PLEKHA6: variants seen among roughly 807,000 people sequenced by gnomAD.
PLEKHA6 encodes pleckstrin homology domain containing A6, also known as pleckstrin homology domain-containing family A member 6.
A neutral mutation model predicts 116.7 loss-of-function variants in PLEKHA6; 60 were observed. The ratio of observed to expected loss-of-function variants is 0.51; its 90% confidence interval spans 0.42 to 0.64. The LOEUF (loss-of-function observed/expected upper bound fraction) is 0.64, where lower values mean the gene tolerates loss of function less well. Ranked by LOEUF, PLEKHA6 falls within the 30% of genes least tolerant of loss-of-function variation. PLEKHA6 has a pLI of 0.00. For synonymous variants in PLEKHA6, 489 were observed against 556.1 expected, an observed-to-expected ratio of 0.88 and a Z score of 1.70; for missense variants, 1,338 against 1,422.7, an observed-to-expected ratio of 0.94 and a Z score of 0.96.
At chr1:204,372,933 G>A (rs190857965) in intron 1 of PLEKHA6, among the ~76,000 whole-genome samples, 34 of 148,636 alleles carry the variant, frequency 2.3e-4, no homozygotes, top group Admixed American at 1.3e-3. Flanking sequence ...TTTTTTTGAC[G>A]GTCTCACTCT....
At position 204,230,583 on chromosome 1, in the gene PLEKHA6, G is replaced by A. The variant is rs370120770; in HGVS notation, c.2413C>T (p.Arg805Cys). The change falls in exon 18 of 23, where the codon CGC becomes TGC. Residue 805 changes from arginine to cysteine, a missense_variant. By Grantham distance (180) the Arg-to-Cys change is radical. Transcript: ENST00000272203. ...GLTNGLSSQE[R>C]PKSAVFPGEG... The stretch of plus-strand genomic sequence containing the variant: ...CCAGGAAACACAGCACTCTTGGGGC[G>A]TTCCTGCTGCCATGGGAAAACAGGG... The A allele has an allele frequency of 4.5e-5, 72 of 1,597,878 alleles. No individual in the cohort carries two copies. Among genetic ancestry groups the A allele is most frequent in the South Asian group, 3.9e-4 (34 of 87,854 alleles).
At chr1:204,300,875 G>A (rs751999315) in intron 1 of PLEKHA6, among the ~76,000 whole-genome samples, 33 of 152,188 alleles carry the variant, frequency 2.2e-4, no homozygotes, top group Non-Finnish European at 4.0e-4. Context: ...ATACAGAGCC[G>A]CAATGCTTTC....
intron 1 of PLEKHA6, among the ~76,000 whole-genome samples, chr1:204,351,020 C>T (rs1330533477): frequency 6.6e-6 from 1 of 152,234 alleles, no homozygotes; most frequent in Admixed American, 6.5e-5. Context: ...GCTCACCACC[C>T]TCCTCTCCGA....
At chr1:204,292,925 G>A (rs959019425) in intron 1 of PLEKHA6, among the ~76,000 whole-genome samples, 4 of 152,026 alleles carry the variant, frequency 2.6e-5, no homozygotes, top group African/African-American at 4.8e-5. Context: ...GAGAGCTCCC[G>A]GCCAGACACA....
chr1:204,317,295 G>A lies in PLEKHA6; in HGVS notation c.-95+42399C>T, dbSNP rs865909120. On this transcript the variant is annotated intron_variant, in intron 1 of 22. Transcript: ENST00000272203. ...CCAGGCAGGGGCTCCAGTTTGGAAA[G>A]CCTTTCCTGATTTGAGTCTGGGAAG... is the stretch of plus-strand genomic sequence containing the variant. 3 of 588,142 alleles carry A rather than the reference G, an allele frequency of 5.1e-6. No homozygotes were observed. In the South Asian group the frequency reaches 2.2e-4, roughly 44 times the overall value. The allele number at this position is 588,142 out of a possible 1,614,324, so 36.4% of individuals were successfully genotyped here.
Position 204,228,327 on chromosome 1 carries a change from C to G in PLEKHA6, c.2886-99G>C. ...TGAGGTTGGCAGGGAGGGCCAGGGC[C>G]CCGTGAATGTGCAGTCTCTGGTTCC... On this transcript the variant is annotated intron_variant, in intron 20 of 22. Coordinates refer to ENST00000272203, the MANE Select transcript of PLEKHA6 (RefSeq NM_014935.5). The surrounding 1 kb of genome is among the most constrained non-coding windows in gnomAD (Gnocchi z 4.0). 1.7e-6 allele frequency: 2 copies of G among 1,201,488 alleles called. No individual in the cohort carries two copies. The highest frequency in any genetic ancestry group is 2.9e-5 in the South Asian group (2 of 68,556). 74.4% of individuals were successfully genotyped at this position (1,201,488 alleles called of 1,614,324 possible).
intron 13 of PLEKHA6, among the ~76,000 whole-genome samples, chr1:204,246,339 G>A (rs1296307892): frequency 1.3e-5 from 2 of 152,154 alleles, no homozygotes; most frequent in African/African-American, 4.8e-5. Context: ...TACACCCAAG[G>A]CCATCTATTT....
intron 17 of PLEKHA6, among the ~76,000 whole-genome samples, chr1:204,231,593 G>T (rs1571764530): frequency 6.7e-6 from 1 of 148,758 alleles, no homozygotes; most frequent in African/African-American, 2.5e-5. Flanking sequence ...TCTGAGATGG[G>T]GTCTTGCTCT....
At chr1:204,360,626 C>G (rs369705220), upstream of PLEKHA6, among the ~76,000 whole-genome samples, 4 of 152,278 alleles carry the variant, frequency 2.6e-5, no homozygotes, top group Admixed American at 6.5e-5. Flanking sequence ...CACACTAAGA[C>G]AGACCCACTT....
At chr1:204,253,478 C>T (rs997918319) in intron 9 of PLEKHA6, among the ~76,000 whole-genome samples, 13 of 152,142 alleles carry the variant, frequency 8.5e-5, no homozygotes, top group Admixed American at 6.5e-5. Flanking sequence ...GCCGAGATCG[C>T]GCCACTGCAC....
chr1:204,248,764 G>A, intron 12 of PLEKHA6, 57 bp downstream of exon 12: 1 of 1,529,572 alleles, frequency 6.5e-7, no homozygotes, highest in Non-Finnish European at 9.0e-7. Flanking sequence ...GGGAGGTGGT[G>A]GCCCTGCTGC....
intron 1 of PLEKHA6, among the ~76,000 whole-genome samples, chr1:204,292,838 G>A (rs1273561314): frequency 1.3e-5 from 2 of 152,192 alleles, no homozygotes; most frequent in Admixed American, 1.3e-4. Context: ...TGAAGAGGGG[G>A]AATAAAAAAC....
chr1:204,264,857 G>C, intron 6 of PLEKHA6, 85 bp downstream of exon 6: 1 of 989,254 alleles, frequency 1.0e-6, no homozygotes, highest in East Asian at 2.4e-5. Flanking sequence ...TAGAGCGATG[G>C]CTCTTGGCCC....
intron 1 of PLEKHA6, among the ~76,000 whole-genome samples, chr1:204,299,328 G>A (rs1452490655): frequency 1.3e-5 from 2 of 152,242 alleles, no homozygotes; most frequent in East Asian, 3.8e-4. Context: ...GCTGTCACCA[G>A]CCTAGACACC....
intron 1 of PLEKHA6, among the ~76,000 whole-genome samples, chr1:204,279,019 C>T (rs1668316343): frequency 6.6e-6 from 1 of 152,204 alleles, no homozygotes; most frequent in Admixed American, 6.5e-5. Context: ...CGCCCCCTCA[C>T]TCAGCTTCCC....
Position 204,272,104 on chromosome 1 carries a change from C to T in PLEKHA6, c.102+1522G>A, listed in dbSNP as rs918659771. ...TCACGTATTTTCAAGCTCCCAGTCC[C>T]GCACCTGATGCTTCCCCGCCCACCC... On this transcript the variant is annotated intron_variant, in intron 3 of 22. Transcript: ENST00000272203. 1.1e-4 allele frequency among the ~76,000 whole-genome samples: 16 copies of T among 152,224 alleles called. No individual in the cohort carries two copies. In the Middle Eastern group the frequency reaches 0.01, roughly 97 times the overall value.
upstream of PLEKHA6, chr1:204,377,789 G>C (rs1381811410): frequency 1.4e-5 from 1 of 69,318 alleles, no homozygotes; most frequent in Non-Finnish European, 4.7e-5. Flanking sequence ...GAGGGGGTCC[G>C]GCCGGGCTGG....
chr1:204,257,289 T>A lies in PLEKHA6; in HGVS notation c.1524+64A>T, dbSNP rs1665437191. On this transcript the variant is annotated intron_variant, in intron 9 of 22. Coordinates refer to ENST00000272203, the MANE Select transcript of PLEKHA6 (RefSeq NM_014935.5). This position sits in a 1 kb window ranked among gnomAD's most constrained non-coding sequence, Gnocchi z 6.5. ...CTCCCACATCTCTGCCTTTTCTCAGTAGATGGTCTTAGGCTTCTGGGGACC... is the reference window on the plus strand; with the variant it reads ...CTCCCACATCTCTGCCTTTTCTCAGAAGATGGTCTTAGGCTTCTGGGGACC... 6.9e-7 allele frequency: 1 copy of A among 1,450,404 alleles called. No individual in the cohort carries two copies. The highest frequency in any genetic ancestry group is 2.0e-5 in the Admixed American group (1 of 50,600). 89.8% of individuals were successfully genotyped at this position (1,450,404 alleles called of 1,614,324 possible).
At chr1:204,326,881 C>G (rs1672260326) in intron 1 of PLEKHA6, 1 of 588,434 alleles carries the variant, frequency 1.7e-6, no homozygotes, top group South Asian at 7.5e-5. Context: ...CTAGCTCCCT[C>G]CTTCCTATAT....
Sources: gnomAD v4.1 joint callset for allele counts (sites outside exome capture counted in the v4.1 genomes callset) on GRCh38, gnomAD v4.1.1 for gene constraint, Gnocchi (gnomAD v3.1) non-coding constraint, MANE v1.5 for transcripts, NCBI Gene and HGNC (gene_info 2026-07-23, HGNC 2026-07-21) for gene names.